Variants in CEMIP observed in about 807,000 individuals in gnomAD.
The protein encoded by CEMIP is cell migration inducing hyaluronidase 1.
CEMIP carries 105 observed loss-of-function variants against 156.9 expected under a neutral mutation model. The ratio of observed to expected loss-of-function variants is 0.67; its 90% CI spans 0.57 to 0.79. The LOEUF (loss-of-function observed/expected upper bound fraction) is 0.79, where lower values mean the gene tolerates loss of function less well. CEMIP is among the 30% of genes least tolerant of loss of function. The probability of loss-of-function intolerance (pLI) is 0.00; values close to 1 mark genes in which losing one functional copy is unlikely to be tolerated. For synonymous variants in CEMIP, 676 were observed against 668.4 expected (o/e 1.01, Z -0.17); for missense variants, 1,457 against 1,769.4 (o/e 0.82, Z 3.17).
intron 1 of CEMIP, among the ~76,000 whole-genome samples, chr15:80,837,928 C>T (rs1022976214): frequency 3.9e-5 from 6 of 152,244 alleles, no homozygotes; most frequent in African/African-American, 1.4e-4. Context: ...CCACTGGCCA[C>T]ACCAACTTCC....
intron 25 of CEMIP, among the ~76,000 whole-genome samples, chr15:80,939,012 A>G (rs888953650): frequency 6.6e-6 from 1 of 152,240 alleles, no homozygotes; most frequent in African/African-American, 2.4e-5. Flanking sequence ...AATCAAAAGT[A>G]TAAGTAAAAT....
At chr15:80,935,640 C>T (rs920178561) in intron 23 of CEMIP, among the ~76,000 whole-genome samples, 1 of 152,188 alleles carries the variant, frequency 6.6e-6, no homozygotes, top group Admixed American at 6.5e-5. Context: ...CATCATTGCA[C>T]GTTGGTGTGA....
intron 1 of CEMIP, among the ~76,000 whole-genome samples, chr15:80,802,622 G>C (rs1204000542): frequency 6.6e-6 from 1 of 152,338 alleles, no homozygotes; most frequent in South Asian, 2.1e-4. Context: ...TTCTGGGTCA[G>C]TTCCTGCTGC....
intron 1 of CEMIP, among the ~76,000 whole-genome samples, chr15:80,820,088 C>G (rs1298469376): frequency 5.9e-5 from 9 of 152,230 alleles, no homozygotes; most frequent in Admixed American, 5.9e-4. Flanking sequence ...AGCTCCTGCT[C>G]TGGACTGTTC....
At chr15:80,893,192 A>C (rs1456572699) in intron 10 of CEMIP, among the ~76,000 whole-genome samples, 2 of 151,902 alleles carry the variant, frequency 1.3e-5, no homozygotes, top group Non-Finnish European at 2.9e-5. Flanking sequence ...AAAATAAATA[A>C]ATAAATGAAA....
chr15:80,914,967 T>C (rs556360722), intron 14 of CEMIP, among the ~76,000 whole-genome samples: 19 of 152,162 alleles, frequency 1.2e-4, no homozygotes, highest in South Asian at 4.2e-4. Flanking sequence ...TATGAAATCA[T>C]AGGGAGTCAA....
chr15:80,939,076 C>T (rs1901244174), intron 25 of CEMIP, among the ~76,000 whole-genome samples: 1 of 152,188 alleles, frequency 6.6e-6, no homozygotes, highest in South Asian at 2.1e-4. Context: ...AGTGCTACGC[C>T]AGCTGGGGGC....
At chr15:80,927,624 C>T (rs1320180648) in intron 19 of CEMIP, among the ~76,000 whole-genome samples, 3 of 152,150 alleles carry the variant, frequency 2.0e-5, no homozygotes, top group African/African-American at 7.2e-5. Flanking sequence ...TAATCCCCCA[C>T]CAGACTCATT....
At chr15:80,877,453 C>A (rs1437762344) in intron 3 of CEMIP, among the ~76,000 whole-genome samples, 2 of 152,226 alleles carry the variant, frequency 1.3e-5, no homozygotes, top group African/African-American at 4.8e-5. Flanking sequence ...CTCCTCACCC[C>A]CAACCCGGGT....
At chr15:80,891,094 T>G (rs1359589572) in intron 10 of CEMIP, among the ~76,000 whole-genome samples, 1 of 152,232 alleles carries the variant, frequency 6.6e-6, no homozygotes, top group Non-Finnish European at 1.5e-5. Flanking sequence ...TCCCTCCAGT[T>G]CACTTGACCA....
intron 1 of CEMIP, among the ~76,000 whole-genome samples, chr15:80,781,661 A>C (rs1269810618): frequency 1.9e-5 from 1 of 52,806 alleles, no homozygotes; most frequent in Non-Finnish European, 3.3e-5. Context: ...CACCTCTTAT[A>C]AAAAAAAATT....
intron 1 of CEMIP, among the ~76,000 whole-genome samples, chr15:80,872,422 T>A (rs1898326772): frequency 6.6e-6 from 1 of 150,446 alleles, no homozygotes; most frequent in African/African-American, 2.5e-5. Flanking sequence ...ATCTTTTCCT[T>A]TATTAAGTTC....
chr15:80,782,641 T>C (rs1364528129), intron 1 of CEMIP, among the ~76,000 whole-genome samples: 1 of 152,188 alleles, frequency 6.6e-6, no homozygotes, highest in East Asian at 1.9e-4. Context: ...GTGAGTGTTT[T>C]TATCCCTGTC....
chr15:80,881,623 A>T (rs866253610), intron 6 of CEMIP, among the ~76,000 whole-genome samples: 14 of 152,342 alleles, frequency 9.2e-5, no homozygotes, highest in Middle Eastern at 3.4e-3. Context: ...CGAGTGGCGG[A>T]AGAGCAGCAT....
At position 80,805,575 on chromosome 15, in the gene CEMIP, A is replaced by G. The variant is rs372579146; in HGVS notation, c.-176+25961A>G. 8.5e-5 allele frequency among the ~76,000 whole-genome samples: 13 copies of G among 152,316 alleles called. No individual in the cohort carries two copies. In the East Asian group the frequency reaches 1.7e-3, roughly 20 times the overall value. The stretch of plus-strand genomic sequence containing the variant: ...ATACAGACTCTTTTTAAGGGAAAAC[A>G]TTCCCAAGGATGTCTACTGTTGAAT... On this transcript the variant is annotated intron_variant, in intron 1 of 29. Coordinates refer to ENST00000394685, the MANE Select transcript of CEMIP (RefSeq NM_001293298.2).
chr15:80,900,636 G>GTGTGTGTC (rs1567090900), intron 12 of CEMIP, among the ~76,000 whole-genome samples: 16 of 132,196 alleles, frequency 1.2e-4, no homozygotes, highest in African/African-American at 4.3e-4. Context: ...GTGTGTGTGT[G>GTGTGTGTC]TGTGTGTGTG....
chr15:80,799,077 G>A (rs55807720), intron 1 of CEMIP, among the ~76,000 whole-genome samples: 2,203 of 152,332 alleles, frequency 0.014, 53 homozygotes, highest in African/African-American at 0.044. Context: ...GAAGATGACA[G>A]GAATGAGATA....
At chr15:80,813,780 T>C (rs947585965) in intron 1 of CEMIP, among the ~76,000 whole-genome samples, 1 of 152,230 alleles carries the variant, frequency 6.6e-6, no homozygotes, top group Non-Finnish European at 1.5e-5. Context: ...CAGTCTGAAT[T>C]ATGCTTTTCA....
intron 1 of CEMIP, among the ~76,000 whole-genome samples, chr15:80,798,065 C>T (rs1414235691): frequency 6.6e-6 from 1 of 152,098 alleles, no homozygotes; most frequent in African/African-American, 2.4e-5. Context: ...GTACATGGTG[C>T]ATGTGTATAT....
Sources: gnomAD v4.1 joint callset for allele counts (sites outside exome capture counted in the v4.1 genomes callset) on GRCh38, gnomAD v4.1.1 for gene constraint, MANE v1.5 for transcripts, NCBI Gene and HGNC (gene_info 2026-07-23, HGNC 2026-07-21) for gene names.